PLCB1: variants seen among roughly 807,000 people sequenced by gnomAD.
The protein encoded by PLCB1 is phospholipase C beta 1.
A neutral mutation model predicts 161.8 loss-of-function variants in PLCB1; 46 were observed. That is an observed-to-expected ratio of 0.28 (90% confidence interval 0.22 to 0.36). The LOEUF is 0.36. Among genes scored for constraint, PLCB1 ranks in the 10% least tolerant of loss-of-function variants. The probability of loss-of-function intolerance (pLI) is 1.00; values close to 1 mark genes in which losing one functional copy is unlikely to be tolerated. For missense variants in PLCB1, 1,016 were observed against 1,472.5 expected (o/e 0.69, Z 5.07); for synonymous variants, 517 against 503.7 (o/e 1.03, Z -0.35).
chr20:8,802,334 C>T lies in PLCB1; in HGVS notation c.3423+12073C>T, dbSNP rs1015342037. ...TCCCAGCCACACCCATGATCATTTC[C>T]TCATCCTTTCTGCCTTCCTCTGGTA... is the stretch of plus-strand genomic sequence containing the variant. On this transcript the variant is annotated intron_variant, in intron 31 of 31. Coordinates refer to ENST00000338037, the MANE Select transcript of PLCB1 (RefSeq NM_015192.4). 7.4e-6 allele frequency: 4 copies of T among 544,144 alleles called. No individual in the cohort carries two copies. The Admixed American group carries it at 1.1e-4, about 15-fold the overall frequency. The allele number at this position is 544,144 out of a possible 1,614,324, so 33.7% of individuals were successfully genotyped here. A position where few individuals can be genotyped will look rare whatever the true frequency, so the allele number is the denominator to read the frequency against.
intron 31 of PLCB1, among the ~76,000 whole-genome samples, chr20:8,854,595 G>A (rs1987004628): frequency 6.6e-6 from 1 of 152,182 alleles, no homozygotes. Context: ...AAGCCAAGTT[G>A]CTGTTAAACT....
intron 3 of PLCB1, among the ~76,000 whole-genome samples, chr20:8,382,429 C>CCCA (rs1427374200): frequency 6.9e-6 from 1 of 145,820 alleles, no homozygotes; most frequent in Non-Finnish European, 1.5e-5. Flanking sequence ...ACTACAGGTG[C>CCCA]CCACCACCAC....
chr20:8,657,068 G>A, intron 7 of PLCB1, 116 bp from the exon 8 acceptor site: 1 of 670,022 alleles, frequency 1.5e-6, no homozygotes, highest in Admixed American at 2.3e-5. Context: ...GAGGGAGAAG[G>A]TGAGGGAAGG....
At chr20:8,379,733 G>T (rs529057261) in intron 3 of PLCB1, among the ~76,000 whole-genome samples, 1 of 151,982 alleles carries the variant, frequency 6.6e-6, no homozygotes. Flanking sequence ...TATGTTTCTT[G>T]GCTGCATAAA....
intron 3 of PLCB1, among the ~76,000 whole-genome samples, chr20:8,466,703 T>C (rs1981840259): frequency 6.6e-6 from 1 of 152,156 alleles, no homozygotes; most frequent in African/African-American, 2.4e-5. Flanking sequence ...AAGTTTATTG[T>C]TTGTAGGTTT....
At chr20:8,209,824 C>T (rs897017207) in intron 2 of PLCB1, among the ~76,000 whole-genome samples, 1 of 152,060 alleles carries the variant, frequency 6.6e-6, no homozygotes, top group Non-Finnish European at 1.5e-5. Flanking sequence ...CCAGCCCTGT[C>T]CTATTTAAGT....
At chr20:8,592,073 A>G (rs1482641324) in intron 3 of PLCB1, among the ~76,000 whole-genome samples, 1 of 152,158 alleles carries the variant, frequency 6.6e-6, no homozygotes, top group Admixed American at 6.6e-5. Flanking sequence ...CACTATTTTA[A>G]ATAGTTTTGT....
chr20:8,176,470 G>T (rs539117427), intron 2 of PLCB1, among the ~76,000 whole-genome samples: 3 of 152,316 alleles, frequency 2.0e-5, no homozygotes, highest in Non-Finnish European at 4.4e-5. Context: ...TGTCTGTAAA[G>T]TGTTAGGCAC....
intron 3 of PLCB1, among the ~76,000 whole-genome samples, chr20:8,539,617 T>TTTCTTTCTTTCC (rs1568499344): frequency 1.8e-5 from 1 of 55,078 alleles, no homozygotes; most frequent in Non-Finnish European, 3.4e-5. Context: ...TTTTCTTTAT[T>TTTCTTTCTTTCC]TTCTTTCTTT....
intron 31 of PLCB1, among the ~76,000 whole-genome samples, chr20:8,859,345 C>T (rs192924796): frequency 2.7e-4 from 41 of 152,290 alleles, no homozygotes; most frequent in Middle Eastern, 3.4e-3. Flanking sequence ...TAACAATTAC[C>T]TTTAAACTCA....
intron 2 of PLCB1, among the ~76,000 whole-genome samples, chr20:8,219,552 C>T (rs555495397): frequency 4.6e-4 from 70 of 152,228 alleles, no homozygotes; most frequent in African/African-American, 1.6e-3. Flanking sequence ...ATTGTCTTAG[C>T]TTGCCAAGCT....
intron 3 of PLCB1, among the ~76,000 whole-genome samples, chr20:8,585,601 C>T (rs1036118964): frequency 1.3e-5 from 2 of 152,154 alleles, no homozygotes; most frequent in African/African-American, 2.4e-5. Context: ...GAATATATCA[C>T]GTTTTTACCC....
chr20:8,719,808 G>A (rs1327525483), intron 14 of PLCB1, among the ~76,000 whole-genome samples: 3 of 152,000 alleles, frequency 2.0e-5, no homozygotes, highest in Admixed American at 2.0e-4. Context: ...TTATACATCA[G>A]TTATAAGATT....
At chr20:8,498,284 A>G (rs1320235994) in intron 3 of PLCB1, among the ~76,000 whole-genome samples, 2 of 152,064 alleles carry the variant, frequency 1.3e-5, no homozygotes, top group African/African-American at 4.8e-5. Flanking sequence ...TTTCAGTAAG[A>G]TGGAGTTTCA....
At chr20:8,319,061 G>A (rs993916088) in intron 2 of PLCB1, among the ~76,000 whole-genome samples, 1 of 152,108 alleles carries the variant, frequency 6.6e-6, no homozygotes, top group South Asian at 2.1e-4. Flanking sequence ...AATGTAGTGT[G>A]TATTATATAT....
intron 2 of PLCB1, among the ~76,000 whole-genome samples, chr20:8,339,248 A>G (rs965124559): frequency 1.4e-4 from 22 of 152,136 alleles, no homozygotes; most frequent in Non-Finnish European, 2.8e-4. Context: ...GTGTCACTTT[A>G]TATCTCACCA....
Position 8,629,944 on chromosome 20 carries a change from CTCTT to C in PLCB1, c.384+1519_384+1522del, listed in dbSNP as rs1482418909. ...TTCCTCTCTTCTTTCCTTTCTTTCT[CTCTT>C]TCTTTTCTTTCTTTCTTCTTTCTTT... On this transcript the variant is annotated intron_variant, in intron 4 of 31. Coordinates refer to ENST00000338037, the MANE Select transcript of PLCB1 (RefSeq NM_015192.4). Among the ~76,000 whole-genome samples, 322 of 130,754 alleles carry C rather than the reference CTCTT, an allele frequency of 2.5e-3. 4 individuals are homozygous for C. The highest frequency in any genetic ancestry group is 8.6e-3 in the African/African-American group (293 of 34,238). 85.8% of individuals were successfully genotyped at this position (130,754 alleles called of 152,430 possible).
intron 2 of PLCB1, among the ~76,000 whole-genome samples, chr20:8,233,145 C>T (rs1041374417): frequency 8.5e-5 from 13 of 152,118 alleles, no homozygotes; most frequent in African/African-American, 2.9e-4. Context: ...AACCGTGAAG[C>T]TTTGTTACAG....
chr20:8,263,835 C>G (rs762557852), intron 2 of PLCB1, among the ~76,000 whole-genome samples: 3 of 152,110 alleles, frequency 2.0e-5, no homozygotes, highest in Non-Finnish European at 4.4e-5. Context: ...CTGGAAGTTG[C>G]TCTGGGTGAG....
Sources: gnomAD v4.1 joint callset for allele counts (sites outside exome capture counted in the v4.1 genomes callset) on GRCh38, gnomAD v4.1.1 for gene constraint, MANE v1.5 for transcripts, NCBI Gene and HGNC (gene_info 2026-07-23, HGNC 2026-07-21) for gene names.